PACSIN2: variants seen among roughly 807,000 people sequenced by gnomAD.
PACSIN2 encodes the protein protein kinase C and casein kinase substrate in neurons 2.
In PACSIN2, 25 loss-of-function variants were observed where a neutral mutation model predicts 63.8. The observed-to-expected ratio is 0.39, with a 90% CI of 0.29 to 0.55. The LOEUF (loss-of-function observed/expected upper bound fraction) is 0.55. Ranked by LOEUF, PACSIN2 falls within the 20% of genes least tolerant of loss-of-function variation. PACSIN2 has a pLI of 0.62. For synonymous variants in PACSIN2, 255 were observed against 256.2 expected, an observed-to-expected ratio of 1.00 and a Z score of 0.05; for missense variants, 518 against 646.9, an observed-to-expected ratio of 0.80 and a Z score of 2.16.
intron 1 of PACSIN2, among the ~76,000 whole-genome samples, chr22:43,000,729 A>G (rs902769149): frequency 2.0e-5 from 3 of 152,226 alleles, no homozygotes; most frequent in African/African-American, 7.2e-5. Flanking sequence ...GAAGAAAAGA[A>G]ATAAATCCAA....
At chr22:42,985,703 A>G (rs1922559726) in intron 1 of PACSIN2, among the ~76,000 whole-genome samples, 1 of 152,138 alleles carries the variant, frequency 6.6e-6, no homozygotes, top group African/African-American at 2.4e-5. Context: ...CTGGTTTTTA[A>G]CCTTCTGTCT....
intron 2 of PACSIN2, among the ~76,000 whole-genome samples, chr22:42,895,320 C>T (rs924328196): frequency 8.5e-5 from 13 of 152,204 alleles, no homozygotes; most frequent in Non-Finnish European, 1.2e-4. Flanking sequence ...AAATACCCAA[C>T]AAGCAACTCA....
At chr22:42,880,474 C>T (rs1268874457) in intron 7 of PACSIN2, 1 of 152,180 alleles carries the variant, frequency 6.6e-6, no homozygotes, top group Admixed American at 6.5e-5. Context: ...ATGGGAAGGG[C>T]CGGCTCTCAA....
intron 1 of PACSIN2, among the ~76,000 whole-genome samples, chr22:42,981,636 C>A (rs1488988618): frequency 4.2e-5 from 5 of 120,090 alleles, no homozygotes; most frequent in Admixed American, 2.3e-4. Context: ...CCGCCCCGTC[C>A]GGGAGGGAGG....
rs1046225912 is a variant in PACSIN2 at position 42,962,107 on chromosome 22, T to C, written c.-77-49950A>G. ...AAGTTTGAGACCAGCCTGGCCAACA[T>C]GGTGAAACCCCGTCTGTACTAAAAA... On this transcript the variant is annotated intron_variant, in intron 1 of 10. Coordinates refer to ENST00000263246, the MANE Select transcript of PACSIN2 (RefSeq NM_001184970.3). Among the ~76,000 whole-genome samples, 6 of 151,738 alleles carry C rather than the reference T, an allele frequency of 4.0e-5. No individual in the cohort carries two copies. In the East Asian group the frequency reaches 7.7e-4, roughly 20 times the overall value.
At chr22:42,898,408 A>T (rs1051446773) in intron 2 of PACSIN2, among the ~76,000 whole-genome samples, 10 of 151,672 alleles carry the variant, frequency 6.6e-5, no homozygotes, top group African/African-American at 2.4e-4. Flanking sequence ...AGTAGCTGGG[A>T]TTACAGACAT....
chr22:42,915,684 A>G (rs1440864529), intron 1 of PACSIN2, among the ~76,000 whole-genome samples: 1 of 152,268 alleles, frequency 6.6e-6, no homozygotes, highest in East Asian at 1.9e-4. Context: ...TATTAATTTA[A>G]GTAAAACAGA....
At chr22:42,939,062 G>A (rs548363693) in intron 1 of PACSIN2, among the ~76,000 whole-genome samples, 2 of 152,158 alleles carry the variant, frequency 1.3e-5, no homozygotes, top group Non-Finnish European at 2.9e-5. Flanking sequence ...GCAAAGGTAG[G>A]ACAGGCCCCA....
In PACSIN2 at chr22:42,942,301, C is replaced by T. The variant is rs370440070; in HGVS notation, c.-77-30144G>A. ...TATATGATTTGAAACTATTTTCTTCCATTCTGAGTTGTCTTTTTACTTTCT... is the reference window on the plus strand; with the variant it reads ...TATATGATTTGAAACTATTTTCTTCTATTCTGAGTTGTCTTTTTACTTTCT... On this transcript the variant is annotated intron_variant, in intron 1 of 10. Coordinates refer to ENST00000263246, the MANE Select transcript of PACSIN2 (RefSeq NM_001184970.3). Among the ~76,000 whole-genome samples the T allele has an allele frequency of 1.1e-4, 16 of 151,914 alleles. No homozygotes were observed. In the East Asian group the frequency reaches 2.3e-3, roughly 22 times the overall value.
At position 42,869,821 on chromosome 22, in the gene PACSIN2, G is replaced by T. The variant is rs7074; in HGVS notation, c.*1536C>A. On this transcript the variant is annotated 3_prime_UTR_variant, in exon 11 of 11. Coordinates refer to ENST00000263246, the MANE Select transcript of PACSIN2 (RefSeq NM_001184970.3). Reference sequence around the variant, plus strand: ...ATTTTTTTCCTCAAATACTACACATGTAAAGGAACTGTTAAACTGAAAAAG... The same window carrying T: ...ATTTTTTTCCTCAAATACTACACATTTAAAGGAACTGTTAAACTGAAAAAG... 0.43 allele frequency: 65,716 copies of T among 152,194 alleles called. 14,722 individuals carry two copies. Among genetic ancestry groups the T allele is most frequent in the Non-Finnish European group, 0.48 (32,874 of 67,964 alleles). 9.4% of individuals were successfully genotyped at this position (152,194 alleles called of 1,614,324 possible). A position where few individuals can be genotyped will look rare whatever the true frequency, so the allele number is the denominator to read the frequency against.
intron 1 of PACSIN2, among the ~76,000 whole-genome samples, chr22:42,982,110 G>A (rs368404162): frequency 0.17 from 18,034 of 109,204 alleles, 1,518 homozygotes; most frequent in Non-Finnish European, 0.23. Flanking sequence ...CAGCCGCCCC[G>A]TCCGGGAGGG....
At chr22:43,008,649 T>C (rs761485943) in intron 1 of PACSIN2, among the ~76,000 whole-genome samples, 22 of 152,220 alleles carry the variant, frequency 1.4e-4, no homozygotes, top group Non-Finnish European at 2.6e-4. Flanking sequence ...GTTAGGAATC[T>C]AGCCAGAAGG....
chr22:42,939,246 A>AT (rs1933041260), intron 1 of PACSIN2, among the ~76,000 whole-genome samples: 1 of 152,246 alleles, frequency 6.6e-6, no homozygotes, highest in South Asian at 2.1e-4. Context: ...TTACAGCAAT[A>AT]TTTTTTTAGC....
At chr22:43,006,011 A>G (rs914244167) in intron 1 of PACSIN2, among the ~76,000 whole-genome samples, 3 of 151,810 alleles carry the variant, frequency 2.0e-5, no homozygotes, top group African/African-American at 7.3e-5. Context: ...CAGGCTGGCC[A>G]TGAACTCCTG....
chr22:42,957,663 T>C (rs1933969335), intron 1 of PACSIN2, among the ~76,000 whole-genome samples: 1 of 152,348 alleles, frequency 6.6e-6, no homozygotes, highest in Non-Finnish European at 1.5e-5. Flanking sequence ...AAGTCTTTCA[T>C]ATTCCAATAC....
chr22:42,903,012 C>T (rs760055830), intron 2 of PACSIN2, among the ~76,000 whole-genome samples: 1 of 152,196 alleles, frequency 6.6e-6, no homozygotes, highest in Non-Finnish European at 1.5e-5. Flanking sequence ...ACTTCATGGC[C>T]GGCAGAAGAG....
Position 42,970,154 on chromosome 22 carries a change from C to T in PACSIN2, c.-78+44867G>A, listed in dbSNP as rs147346352. On this transcript the variant is annotated intron_variant, in intron 1 of 10. Coordinates refer to ENST00000263246, the MANE Select transcript of PACSIN2 (RefSeq NM_001184970.3). ...GAGCAGGGTCCTGGCCTGAAGGGATCAGCAATCTTTTGGGGAACCAGTGCC... is the reference window on the plus strand; with the variant it reads ...GAGCAGGGTCCTGGCCTGAAGGGATTAGCAATCTTTTGGGGAACCAGTGCC... Among the ~76,000 whole-genome samples, 1,087 of 152,286 alleles carry T rather than the reference C, an allele frequency of 7.1e-3. 5 individuals carry two copies. Among genetic ancestry groups the T allele is most frequent in the Non-Finnish European group, 9.7e-3 (661 of 68,026 alleles).
intron 1 of PACSIN2, among the ~76,000 whole-genome samples, chr22:43,004,034 C>G (rs1254263730): frequency 2.0e-5 from 3 of 152,212 alleles, no homozygotes; most frequent in Admixed American, 2.0e-4. Context: ...TAATCTCCCT[C>G]ATGTCTATGT....
intron 1 of PACSIN2, among the ~76,000 whole-genome samples, chr22:42,978,732 T>G (rs191682268): frequency 6.6e-6 from 1 of 152,290 alleles, no homozygotes; most frequent in African/African-American, 2.4e-5. Context: ...CAAAAGTATG[T>G]TTGCATCCTG....
Sources: gnomAD v4.1 joint callset for allele counts (sites outside exome capture counted in the v4.1 genomes callset) on GRCh38, gnomAD v4.1.1 for gene constraint, MANE v1.5 for transcripts, NCBI Gene and HGNC (gene_info 2026-07-23, HGNC 2026-07-21) for gene names.